FER: variants seen among roughly 807,000 people sequenced by gnomAD.
FER encodes FER tyrosine kinase, also known as tyrosine-protein kinase Fer.
In FER, 63 loss-of-function variants were observed where a neutral mutation model predicts 111.0. That is an observed-to-expected ratio of 0.57 (90% CI 0.46 to 0.70). The LOEUF (loss-of-function observed/expected upper bound fraction) is 0.70, where lower values mean the gene tolerates loss of function less well. FER is among the 30% of genes least tolerant of loss of function. The pLI, the probability that FER is intolerant of heterozygous loss-of-function variation, is 0.00. For missense variants in FER, 914 were observed against 954.0 expected (o/e 0.96, Z 0.55); for synonymous variants, 327 against 313.9 (o/e 1.04, Z -0.44).
chr5:109,186,381 T>G, intron 19 of FER, 59 bp downstream of exon 19: 1 of 1,612,824 alleles, frequency 6.2e-7, no homozygotes, highest in Non-Finnish European at 8.5e-7. Flanking sequence ...AGGCAGTGCT[T>G]ATAGTGTGTC....
At chr5:108,906,689 T>C (rs865924462) in intron 10 of FER, among the ~76,000 whole-genome samples, 1 of 152,020 alleles carries the variant, frequency 6.6e-6, no homozygotes, top group East Asian at 1.9e-4. Context: ...ATGTTACTTT[T>C]ATAGTTTAAT....
chr5:109,129,648 A>T (rs895133144), intron 17 of FER, among the ~76,000 whole-genome samples: 2 of 152,084 alleles, frequency 1.3e-5, no homozygotes, highest in African/African-American at 4.8e-5. Flanking sequence ...AAATATAAAA[A>T]TGAGCAAAGA....
At chr5:109,113,717 A>G (rs1002473104) in intron 17 of FER, among the ~76,000 whole-genome samples, 5 of 152,180 alleles carry the variant, frequency 3.3e-5, no homozygotes, top group African/African-American at 1.2e-4. Flanking sequence ...TGGCTGAGTA[A>G]TTCATGGACA....
rs1759315425 is a variant in FER at position 109,190,711 on chromosome 5, T to C, written c.*3136T>C. On this transcript the variant is annotated 3_prime_UTR_variant, in exon 20 of 20. Coordinates refer to ENST00000281092, the MANE Select transcript of FER (RefSeq NM_005246.4). ...GCCATGAGGTCTCCAGTGAGAGGTCTCCAGTGAAAGGTCTCATGTAATTGT... is the reference window on the plus strand; with the variant it reads ...GCCATGAGGTCTCCAGTGAGAGGTCCCCAGTGAAAGGTCTCATGTAATTGT... 6.6e-6 allele frequency: 1 copy of C among 152,192 alleles called. No individual in the cohort carries two copies. 9.4% of individuals were successfully genotyped at this position (152,192 alleles called of 1,614,324 possible).
chr5:108,820,100 C>T (rs1040557123), intron 3 of FER: 1 of 985,016 alleles, frequency 1.0e-6, no homozygotes, highest in Admixed American at 6.2e-5. Flanking sequence ...AGATAAAAAT[C>T]TCCCAGAATC....
At chr5:108,822,704 A>ATTTT (rs1758985319) in intron 3 of FER, among the ~76,000 whole-genome samples, 9 of 138,172 alleles carry the variant, frequency 6.5e-5, no homozygotes, top group East Asian at 2.1e-4. Context: ...ATCAAATTTT[A>ATTTT]TTTTATTTAT....
intron 2 of FER, among the ~76,000 whole-genome samples, chr5:108,779,427 G>A (rs1488753101): frequency 6.6e-6 from 1 of 152,074 alleles, no homozygotes; most frequent in Admixed American, 6.6e-5. Flanking sequence ...CCATGAACAT[G>A]GAATATCTCT....
At chr5:108,814,809 T>C (rs1285367969) in intron 3 of FER, among the ~76,000 whole-genome samples, 2 of 152,184 alleles carry the variant, frequency 1.3e-5, no homozygotes, top group Non-Finnish European at 1.5e-5. Context: ...TTTATAGTTA[T>C]TTTGAAGTGT....
intron 10 of FER, among the ~76,000 whole-genome samples, chr5:108,916,112 A>G (rs2150368694): frequency 6.6e-6 from 1 of 152,296 alleles, no homozygotes; most frequent in Non-Finnish European, 1.5e-5. Context: ...GGCATTGATT[A>G]TATTTGCATT....
chr5:108,873,460 T>C (rs1248818986), intron 8 of FER, among the ~76,000 whole-genome samples: 3 of 152,200 alleles, frequency 2.0e-5, no homozygotes, highest in Admixed American at 6.5e-5. Context: ...TTGGAATCTT[T>C]AAAGCTGGCT....
At chr5:108,827,822 CTTT>C (rs5870331) in intron 3 of FER, among the ~76,000 whole-genome samples, 1 of 121,602 alleles carries the variant, frequency 8.2e-6, no homozygotes, top group Non-Finnish European at 1.6e-5. Flanking sequence ...GAGTTAGTAT[CTTT>C]TTTTTTTTTT....
intron 8 of FER, among the ~76,000 whole-genome samples, chr5:108,880,675 C>T (rs1365663328): frequency 6.6e-6 from 1 of 151,858 alleles, no homozygotes; most frequent in Non-Finnish European, 1.5e-5. Context: ...GCTTGTATCT[C>T]CATGATATTC....
At chr5:109,162,627 A>G in intron 17 of FER, among the ~76,000 whole-genome samples, 1 of 152,074 alleles carries the variant, frequency 6.6e-6, no homozygotes, top group South Asian at 2.1e-4. Flanking sequence ...ATTTTAATAC[A>G]TTTATTTTCT....
intron 17 of FER, among the ~76,000 whole-genome samples, chr5:109,133,576 A>C (rs998096337): frequency 5.3e-5 from 8 of 152,162 alleles, no homozygotes; most frequent in Admixed American, 5.2e-4. Context: ...TCAAGGTTTT[A>C]AAAACAGTTA....
intron 13 of FER, among the ~76,000 whole-genome samples, chr5:108,993,535 G>A (rs940412376): frequency 6.6e-6 from 1 of 151,816 alleles, no homozygotes; most frequent in Non-Finnish European, 1.5e-5. Context: ...TGTGGAAAGA[G>A]AGGGAGAGGG....
chr5:108,844,990 GTGTGTGTATATATATATATA>G (rs1335278146), intron 5 of FER, among the ~76,000 whole-genome samples: 4 of 41,814 alleles, frequency 9.6e-5, no homozygotes, highest in African/African-American at 3.1e-4. Context: ...GCTGGTGTGT[GTGTGTGTATATATATATATA>G]TATATATATA....
chr5:108,762,214 C>G (rs1221053548), intron 1 of FER, among the ~76,000 whole-genome samples: 1 of 152,170 alleles, frequency 6.6e-6, no homozygotes, highest in African/African-American at 2.4e-5. Context: ...ATGCCAGTGG[C>G]AGACACCTAT....
intron 13 of FER, among the ~76,000 whole-genome samples, chr5:108,970,205 T>G (rs1224669074): frequency 2.7e-5 from 4 of 147,872 alleles, no homozygotes; most frequent in South Asian, 2.1e-4. Flanking sequence ...TTATTTGATT[T>G]ATTTATTTAT....
At chr5:109,088,352 G>T (rs996534243) in intron 16 of FER, among the ~76,000 whole-genome samples, 17 of 151,950 alleles carry the variant, frequency 1.1e-4, no homozygotes, top group African/African-American at 3.9e-4. Flanking sequence ...CTCTGTCTTT[G>T]TATTTAAGGT....
Sources: allele counts gnomAD v4.1 joint callset (sites outside exome capture counted in the v4.1 genomes callset), GRCh38; gene constraint gnomAD v4.1.1; transcripts MANE v1.5; gene names NCBI Gene and HGNC (gene_info 2026-07-23, HGNC 2026-07-21).